SEC14L4: variants seen among roughly 807,000 people sequenced by gnomAD.
SEC14L4 encodes the protein SEC14 like lipid binding 4.
Under a neutral mutation model 55.1 loss-of-function variants are expected in SEC14L4, and 42 were observed. That is an observed-to-expected ratio of 0.76 (90% confidence interval 0.60 to 0.99). SEC14L4 has a LOEUF of 0.99. Among genes scored for constraint, SEC14L4 ranks in the 50% least tolerant of loss-of-function variants. The pLI is 0.00. For missense variants in SEC14L4, 445 were observed against 512.1 expected (o/e 0.87, Z 1.27); for synonymous variants, 206 against 206.8 (o/e 1.00, Z 0.03).
At chr22:30,498,603 A>T (rs1936222188) in intron 2 of SEC14L4, among the ~76,000 whole-genome samples, 1 of 152,190 alleles carries the variant, frequency 6.6e-6, no homozygotes, top group Non-Finnish European at 1.5e-5. Flanking sequence ...TTTAAACAGT[A>T]ATGTTGATTG....
intron 1 of SEC14L4, 56 bp downstream of exon 1, chr22:30,505,502 A>T (rs1936460317): frequency 1.3e-6 from 2 of 1,507,478 alleles, no homozygotes; most frequent in African/African-American, 1.4e-5. Flanking sequence ...CGGGTTGGGC[A>T]GTGCCAGGCT....
At chr22:30,503,422 G>GC (rs779232751) in intron 2 of SEC14L4, among the ~76,000 whole-genome samples, 32 of 151,954 alleles carry the variant, frequency 2.1e-4, no homozygotes, top group Non-Finnish European at 4.3e-4. Flanking sequence ...GTGCCACCAA[G>GC]CCAGCTAATT....
intron 2 of SEC14L4, among the ~76,000 whole-genome samples, chr22:30,499,035 G>A (rs1013962996): frequency 1.3e-5 from 2 of 151,896 alleles, no homozygotes; most frequent in Non-Finnish European, 2.9e-5. Context: ...CCGCCTCCCG[G>A]GTTCACGCCA....
rs542989917 is a variant in SEC14L4 at position 30,491,869 on chromosome 22, C to T, written c.876G>A (p.Val292=). The T allele has an allele frequency of 3.1e-6, 5 of 1,612,672 alleles. No homozygotes were observed. The African/African-American group carries it at 4.0e-5, about 13-fold the overall frequency. ...RSVGRGSSLQ[V]ENEILFPGCV... ...AGCCCGGGAACAGGATCTCGTTCTC[C>T]ACCTGCAGGGAGGAGCCGCGGCCCA... Residue 292 remains valine (V), a synonymous_variant, in exon 10 of 12, where the codon GTG becomes GTA. Coordinates refer to ENST00000255858, the MANE Select transcript of SEC14L4 (RefSeq NM_174977.4).
Position 30,501,846 on chromosome 22 carries a change from CATATATAT to C in SEC14L4, c.130+1823_130+1830del, listed in dbSNP as rs3067218. 3.6e-3 allele frequency among the ~76,000 whole-genome samples: 398 copies of C among 111,896 alleles called. 7 individuals carry two copies. Among genetic ancestry groups the C allele is most frequent in the African/African-American group, 0.012 (349 of 28,396 alleles). The allele number at this position is 111,896 out of a possible 152,430, so 73.4% of individuals were successfully genotyped here. A position where few individuals can be genotyped will look rare whatever the true frequency, so the allele number is the denominator to read the frequency against. On this transcript the variant is annotated intron_variant, in intron 2 of 11. Coordinates refer to ENST00000255858, the MANE Select transcript of SEC14L4 (RefSeq NM_174977.4). ...TTATATATATATACACACACACGCA[CATATATAT>C]ATATATATATATATATATATACATA...
At chr22:30,495,097 CA>C (rs1455166976) in intron 5 of SEC14L4, 136 bp from the exon 6 acceptor site, 6 of 587,858 alleles carry the variant, frequency 1.0e-5, no homozygotes, top group Non-Finnish European at 1.7e-5. Flanking sequence ...GACAGATGGA[CA>C]ACACCTCACT....
At chr22:30,496,613 G>A (rs1936160942) in intron 2 of SEC14L4, among the ~76,000 whole-genome samples, 1 of 152,062 alleles carries the variant, frequency 6.6e-6, no homozygotes, top group South Asian at 2.1e-4. Context: ...CATGGGGTTT[G>A]GATTCACAGA....
At chr22:30,497,840 G>A (rs1245763497) in intron 2 of SEC14L4, among the ~76,000 whole-genome samples, 2 of 152,194 alleles carry the variant, frequency 1.3e-5, no homozygotes, top group East Asian at 3.9e-4. Flanking sequence ...GTTCTGTGAT[G>A]ATGGAAATGT....
At chr22:30,501,133 G>A (rs911220539) in intron 2 of SEC14L4, among the ~76,000 whole-genome samples, 2 of 152,142 alleles carry the variant, frequency 1.3e-5, no homozygotes, top group Non-Finnish European at 2.9e-5. Context: ...CCGGGAGAGG[G>A]TCCTCTACCA....
At position 30,489,943 on chromosome 22, in the gene SEC14L4, C is replaced by T. The variant is rs1935895736; in HGVS notation, c.*164G>A. 10 of 1,552,094 alleles carry T rather than the reference C, an allele frequency of 6.4e-6. No homozygotes were observed. Among genetic ancestry groups the T allele is most frequent in the Non-Finnish European group, 8.7e-6 (10 of 1,147,134 alleles). ...ATGGGCTATGCACTGGTGGCCCCTT[C>T]CTGCTTGGCCACTGTGCCAGGTGAG... On this transcript the variant is annotated 3_prime_UTR_variant, in exon 12 of 12. Coordinates refer to ENST00000255858, the MANE Select transcript of SEC14L4 (RefSeq NM_174977.4).
chr22:30,495,180 C>G, intron 5 of SEC14L4, 74 bp downstream of exon 5: 1 of 1,391,788 alleles, frequency 7.2e-7, no homozygotes, highest in Non-Finnish European at 9.6e-7. Flanking sequence ...TGGGGAGGGG[C>G]AGGGTGCCAC....
At position 30,500,754 on chromosome 22, in the gene SEC14L4, A is replaced by ATTTTTTTTT. The variant is rs531954470; in HGVS notation, c.130+2914_130+2922dup. 3.1e-3 allele frequency among the ~76,000 whole-genome samples: 247 copies of ATTTTTTTTT among 79,492 alleles called. 24 individuals carry two copies. Among genetic ancestry groups the ATTTTTTTTT allele is most frequent in the South Asian group, 5.1e-3 (9 of 1,758 alleles). 52.1% of individuals were successfully genotyped at this position (79,492 alleles called of 152,430 possible). On this transcript the variant is annotated intron_variant, in intron 2 of 11. Coordinates refer to ENST00000255858, the MANE Select transcript of SEC14L4 (RefSeq NM_174977.4). ...AATGCTCATGGGATATGAGAACAGA[A>ATTTTTTTTT]TTTTTTTTTTTTTTTTTTTTTTTTT...
Position 30,494,959 on chromosome 22 carries a change from C to T in SEC14L4, c.426G>A (p.Leu142=). 2 of 1,613,118 alleles carry T rather than the reference C, an allele frequency of 1.2e-6. No homozygotes were observed. The highest frequency in any genetic ancestry group is 3.3e-4 in the Middle Eastern group (2 of 6,062). ...LHECELQTQK[L]GRKIEMALMV... ...TCAGCGCCATCTCGATCTTCCTGCCCAGCTGCTTGGGACAGAGTCATATAG... is the reference window on the plus strand; with the variant it reads ...TCAGCGCCATCTCGATCTTCCTGCCTAGCTGCTTGGGACAGAGTCATATAG... Residue 142 remains leucine (L), a splice_region_variant and synonymous_variant, in exon 6 of 12, where the codon CTG becomes CTA. Transcript: ENST00000255858.
chr22:30,495,316 T>C lies in SEC14L4; in HGVS notation c.361A>G (p.Ile121Val). 1 of 1,613,896 alleles carries C rather than the reference T, an allele frequency of 6.2e-7. No individual in the cohort carries two copies. The highest frequency in any genetic ancestry group is 1.1e-5 in the South Asian group (1 of 91,058). Residue 121 changes from isoleucine (I) to valine (V), a missense_variant, in exon 5 of 12, where the codon ATC becomes GTC. Transcript: ENST00000255858. ...TCACAGACTTTGATGCGCTTCCGGA[T>C]CATATCCTGCTTGGAGGCTGACAGC... ...LLLSASKQDM[I>V]RKRIKVCELL... is the part of the protein sequence containing the mutation.
chr22:30,489,454 G>A lies in SEC14L4; in HGVS notation c.*653C>T. On this transcript the variant is annotated 3_prime_UTR_variant, in exon 12 of 12. Coordinates refer to ENST00000255858, the MANE Select transcript of SEC14L4 (RefSeq NM_174977.4). ...AGGGTTTCACCATGTTGCCCAGGCT[G>A]GTCCCGAACTCCTGATCTCAGGTGA... The A allele has an allele frequency of 4.2e-6, 1 of 235,648 alleles. No individual in the cohort carries two copies. The highest frequency in any genetic ancestry group is 8.3e-6 in the Non-Finnish European group (1 of 120,040). The allele number at this position is 235,648 out of a possible 1,614,324, so 14.6% of individuals were successfully genotyped here.
At chr22:30,493,098 AAAAG>A (rs1340323739) in intron 7 of SEC14L4, among the ~76,000 whole-genome samples, 6 of 151,790 alleles carry the variant, frequency 4.0e-5, no homozygotes, top group African/African-American at 1.5e-4. Flanking sequence ...AAAAAAAAAA[AAAAG>A]AAAAGAAAAA....
At position 30,491,993 on chromosome 22, in the gene SEC14L4, G is replaced by T; in HGVS notation, c.772-20C>A. On this transcript the variant is annotated intron_variant, in intron 9 of 11. Transcript: ENST00000255858. ...GTTGATCTGTGGGTGAAGGGGGTGT[G>T]TGGGCACTAGATCACAGCTTCTCCC... 6.2e-7 allele frequency: 1 copy of T among 1,613,906 alleles called. No individual in the cohort carries two copies.
At chr22:30,490,368 T>C in intron 11 of SEC14L4, 122 bp from the exon 12 acceptor site, 2 of 1,500,010 alleles carry the variant, frequency 1.3e-6, no homozygotes, top group Non-Finnish European at 9.0e-7. Flanking sequence ...ACGTCCTGCA[T>C]CCCTGGAACC....
At position 30,492,058 on chromosome 22, in the gene SEC14L4, G is replaced by A. The variant is rs374904273; in HGVS notation, c.762C>T (p.Cys254=). Residue 254 remains cysteine (C), a synonymous_variant, in exon 9 of 12, where the codon TGC becomes TGT. Transcript: ENST00000255858. ...TCTGGGCACCCTGTACCTTGGTCAG[G>A]CACTTGGGGTTGCCATCGGGGTCAG... ...TMTDPDGNPK[C]LTKINYGGEV... The A allele has an allele frequency of 3.7e-6, 6 of 1,613,708 alleles. No individual in the cohort carries two copies. The highest frequency in any genetic ancestry group is 1.1e-5 in the South Asian group (1 of 91,046).
Sources: gnomAD v4.1 joint callset for allele counts (sites outside exome capture counted in the v4.1 genomes callset) on GRCh38, gnomAD v4.1.1 for gene constraint, MANE v1.5 for transcripts, NCBI Gene and HGNC (gene_info 2026-07-23, HGNC 2026-07-21) for gene names.